The following PHKA2 variants were observed in gnomAD, a reference collection of about 807,000 sequenced individuals.
PHKA2 encodes the protein phosphorylase b kinase regulatory subunit alpha, liver isoform.
PHKA2 carries 31 observed loss-of-function variants against 102.0 expected under a neutral mutation model. The observed-to-expected ratio is 0.30, with a 90% confidence interval of 0.23 to 0.41. PHKA2 has a LOEUF of 0.41. Ranked by LOEUF, PHKA2 falls within the 10% of genes least tolerant of loss-of-function variation. The pLI is 1.00. For missense variants in PHKA2, 858 were observed against 1,023.1 expected, an observed-to-expected ratio of 0.84 and a Z score of 2.20; for synonymous variants, 455 against 416.2, an observed-to-expected ratio of 1.09 and a Z score of -1.13.
Position 18,908,872 on chromosome X carries a change from C to T in PHKA2, c.2289G>A (p.Leu763=). 8.3e-7 allele frequency: 1 copy of T among 1,208,795 alleles called. No homozygotes were observed. The highest frequency in any genetic ancestry group is 1.1e-6 in the Non-Finnish European group (1 of 892,829). The change falls in exon 21 of 33, where the codon CTG becomes CTA. Residue 763 remains leucine, a synonymous_variant. Coordinates refer to ENST00000379942, the MANE Select transcript of PHKA2 (RefSeq NM_000292.3). ...TCGAACAATCTTTTAGCTGCTCAAC[C>T]AGCTTCTCACAGTCCACGTCACCAT... ...DDHGDVDCEK[L]VEQLKDCSNL... is the part of the protein sequence containing the mutation.
chrX:18,933,132 G>A (rs971053521), intron 11 of PHKA2, among the ~76,000 whole-genome samples: 36 of 109,837 alleles, frequency 3.3e-4, no homozygotes, highest in African/African-American at 1.2e-3. Context: ...AAAAAAGACT[G>A]CAGAGATGTA....
chrX:18,981,366 T>C (rs1203651365), intron 1 of PHKA2, among the ~76,000 whole-genome samples: 1 of 111,450 alleles, frequency 9.0e-6, no homozygotes, highest in African/African-American at 3.3e-5. Flanking sequence ...ACCCCCAAAA[T>C]AAATACAACT....
At chrX:18,975,677 A>G (rs1411440992) in intron 1 of PHKA2, among the ~76,000 whole-genome samples, 1 of 111,571 alleles carries the variant, frequency 9.0e-6, no homozygotes, top group East Asian at 2.8e-4. Flanking sequence ...CACACACCCA[A>G]TATTCACTCC....
rs758565360 is a variant in PHKA2, at chrX:18,899,203, C to T, written c.3081G>A (p.Ala1027=). 5 of 1,209,950 alleles carry T rather than the reference C, an allele frequency of 4.1e-6. No individual in the cohort carries two copies. The highest frequency in any genetic ancestry group is 1.8e-5 in the South Asian group (1 of 56,920). The change falls in exon 29 of 33, where the codon GCG becomes GCA. Residue 1027 remains alanine, a synonymous_variant. Coordinates refer to ENST00000379942, the MANE Select transcript of PHKA2 (RefSeq NM_000292.3). ...DEQFFSVGQA[A]SSSAHSSKSA... is the part of the protein sequence containing the mutation. Reference sequence around the variant, plus strand: ...ACTTGGAGGAATGCGCACTGCTGGACGCGGCCTGGCCCACAGAAAAGAACT... The same window carrying T: ...ACTTGGAGGAATGCGCACTGCTGGATGCGGCCTGGCCCACAGAAAAGAACT...
At chrX:18,939,411 T>C (rs1324423359) in intron 9 of PHKA2, among the ~76,000 whole-genome samples, 2 of 111,689 alleles carry the variant, frequency 1.8e-5, no homozygotes, top group Non-Finnish European at 3.8e-5. Flanking sequence ...CTCGAACTCC[T>C]GGGCTCAAGC....
At chrX:18,956,709 C>T (rs1222608481) in intron 1 of PHKA2, among the ~76,000 whole-genome samples, 1 of 112,072 alleles carries the variant, frequency 8.9e-6, no homozygotes, top group African/African-American at 3.2e-5. Flanking sequence ...ACATACATGC[C>T]GTGTAAAATT....
intron 1 of PHKA2, among the ~76,000 whole-genome samples, chrX:18,958,524 A>C (rs776715801): frequency 9.0e-6 from 1 of 111,231 alleles, no homozygotes; most frequent in African/African-American, 3.3e-5. Context: ...ATAAGTTATC[A>C]ATAGTTTTAA....
chrX:18,908,814 G>T lies in PHKA2; in HGVS notation c.2347C>A (p.Leu783Ile). ...TCAGACACTTACTTTATGACATAAA[G>T]AATGTACAGAATGTCTGCTTGGTCC... ...LQDQADILYI[L>I]YVIKGPSWDT... The change falls in exon 21 of 33, where the codon CTT (leucine) becomes ATT (isoleucine). Residue 783 changes from leucine (L) to isoleucine (I), a missense_variant. This residue lies in a region of PHKA2 where 671 missense variants were observed against 745.2 expected (regional missense o/e 0.90). Transcript: ENST00000379942. 8.3e-7 allele frequency: 1 copy of T among 1,205,607 alleles called. No individual in the cohort carries two copies. The highest frequency in any genetic ancestry group is 1.8e-5 in the South Asian group (1 of 56,830).
At chrX:18,962,138 A>T (rs1416618402) in intron 1 of PHKA2, among the ~76,000 whole-genome samples, 1 of 111,992 alleles carries the variant, frequency 8.9e-6, no homozygotes, top group Non-Finnish European at 1.9e-5. Flanking sequence ...CAACACTTAA[A>T]CAATCTTCTT....
chrX:18,951,234 G>A lies in PHKA2; in HGVS notation c.324C>T (p.Thr108=). The change falls in exon 4 of 33, where the codon ACC becomes ACT. Residue 108 remains threonine, a synonymous_variant. Coordinates refer to ENST00000379942, the MANE Select transcript of PHKA2 (RefSeq NM_000292.3). ...TGTACTTGGCGTGCAGGCTGTCCTT[G>A]GTGCTCTGAGTGTGTTTGAACTTCT... ...KVEKFKHTQS[T]KDSLHAKYNT... is the part of the protein sequence containing the mutation. 1 of 1,211,668 alleles carries A rather than the reference G, an allele frequency of 8.3e-7. No homozygotes were observed. The highest frequency in any genetic ancestry group is 1.1e-6 in the Non-Finnish European group (1 of 895,329).
At chrX:18,913,548 G>C (rs1480450701) in intron 19 of PHKA2, among the ~76,000 whole-genome samples, 1 of 109,276 alleles carries the variant, frequency 9.2e-6, no homozygotes, top group African/African-American at 3.3e-5. Flanking sequence ...TGGGATTACA[G>C]GTGTGTGCCT....
chrX:18,935,985 C>G (rs1601754185), intron 11 of PHKA2, 70 bp downstream of exon 11: 3 of 709,248 alleles, frequency 4.2e-6, no homozygotes. Context: ...ATAAAGAATA[C>G]CAACAGGCCA....
Position 18,931,738 on chromosome X carries a change from T to C in PHKA2, c.1148A>G (p.Glu383Gly). The C allele has an allele frequency of 1.7e-6, 2 of 1,175,800 alleles. No individual in the cohort carries two copies. The highest frequency in any genetic ancestry group is 1.2e-6 in the Non-Finnish European group (1 of 862,654). The change falls in exon 12 of 33, where the codon GAG (glutamate) becomes GGG (glycine). Residue 383 changes from glutamate to glycine, a missense_variant. By Grantham distance (98) the Glu-to-Gly change is moderately conservative. This residue lies in a region of PHKA2 where 671 missense variants were observed against 745.2 expected (regional missense o/e 0.90). Transcript: ENST00000379942. Reference sequence around the variant, plus strand: ...GTCTACTGTGTGAGGATTCTTGTACTCTTCATCTACCTGGAAAGAGAGACA... The same window carrying C: ...GTCTACTGTGTGAGGATTCTTGTACCCTTCATCTACCTGGAAAGAGAGACA... The part of the protein sequence containing the change: ...YAVPPNKVDE[E>G]YKNPHTVDRV...
chrX:18,894,076 T>C, intron 32 of PHKA2, 128 bp downstream of exon 32: 4 of 642,747 alleles, frequency 6.2e-6, no homozygotes, highest in Non-Finnish European at 1.0e-5. Flanking sequence ...AAGCAAGTGG[T>C]TGACATTTTT....
At chrX:18,919,746 A>AAAG (rs1556000663) in intron 18 of PHKA2, among the ~76,000 whole-genome samples, 248 of 103,216 alleles carry the variant, frequency 2.4e-3, no homozygotes, top group African/African-American at 8.7e-3. Context: ...AAAAAAAAAA[A>AAAG]AGAGAGAGAG....
intron 9 of PHKA2, among the ~76,000 whole-genome samples, chrX:18,939,339 C>A (rs1412297577): frequency 9.1e-6 from 1 of 110,095 alleles, no homozygotes; most frequent in African/African-American, 3.3e-5. Context: ...TCACACCTGC[C>A]TCACTAATTT....
rs753378388 is a variant in PHKA2 at position 18,954,380 on chromosome X, A to G, written c.111T>C (p.His37=). Residue 37 remains histidine, a synonymous_variant, in exon 2 of 33, where the codon CAT becomes CAC. Coordinates refer to ENST00000379942, the MANE Select transcript of PHKA2 (RefSeq NM_000292.3). ...CCCGCACCCAGGCATCCTTCTGCTC[A>G]TGGCTGGCTGACAGCAGCCCCGTGA... ...NPVTGLLSAS[H]EQKDAWVRDN... is the part of the protein sequence containing the mutation. The G allele has an allele frequency of 1.7e-6, 2 of 1,211,854 alleles. No individual in the cohort carries two copies. The highest frequency in any genetic ancestry group is 1.1e-6 in the Non-Finnish European group (1 of 895,445).
At chrX:18,959,524 A>G (rs1018520943) in intron 1 of PHKA2, among the ~76,000 whole-genome samples, 2 of 111,518 alleles carry the variant, frequency 1.8e-5, no homozygotes, top group Non-Finnish European at 3.8e-5. Flanking sequence ...TTTTGAAACA[A>G]AAAACCTGGC....
At position 18,943,951 on chromosome X, in the gene PHKA2, T is replaced by C. The variant is rs189842554; in HGVS notation, c.619-143A>G. 535 of 505,312 alleles carry C rather than the reference T, an allele frequency of 1.1e-3. 1 individual carries two copies. The African/African-American group carries it at 0.011, about 11-fold the overall frequency. The allele number at this position is 505,312 out of a possible 1,213,427, so 41.6% of individuals were successfully genotyped here. A position where few individuals can be genotyped will look rare whatever the true frequency, so the allele number is the denominator to read the frequency against. On this transcript the variant is annotated intron_variant, in intron 6 of 32. Transcript: ENST00000379942. ...TTTTAAAAATCCAGCTAGACTCCTG[T>C]AGTCATGTTCTAGTCTTTTTTATTC... is the stretch of plus-strand genomic sequence containing the variant.
Sources: gnomAD v4.1 joint callset for allele counts (sites outside exome capture counted in the v4.1 genomes callset) on GRCh38, gnomAD v4.1.1 for gene constraint, gnomAD v4.1.1 regional missense constraint, MANE v1.5 for transcripts, NCBI Gene and HGNC (gene_info 2026-07-23, HGNC 2026-07-21) for gene names.